The following TMEM230 variants were observed in gnomAD, a reference collection of about 807,000 sequenced individuals.
TMEM230 encodes the protein transmembrane protein 230.
A neutral mutation model predicts 15.8 loss-of-function variants in TMEM230; 10 were observed. The observed-to-expected ratio is 0.63, with a 90% CI of 0.39 to 1.07. The LOEUF is 1.07. Ranked by LOEUF, TMEM230 falls within the 50% of genes least tolerant of loss-of-function variation. TMEM230 has a pLI of 0.01. For missense variants in TMEM230, 165 were observed against 193.3 expected (o/e 0.85, Z 0.87); for synonymous variants, 67 against 76.9 (o/e 0.87, Z 0.68).
downstream of TMEM230, chr20:5,099,819 TATC>T: frequency 1.1e-6 from 1 of 945,086 alleles, no homozygotes; most frequent in East Asian, 1.2e-4. Flanking sequence ...GGATTAAAGA[TATC>T]ATAAAATCAT....
At chr20:5,079,407 C>T (rs1192771981) in intron 3 of TMEM230, among the ~76,000 whole-genome samples, 1 of 152,096 alleles carries the variant, frequency 6.6e-6, no homozygotes, top group Non-Finnish European at 1.5e-5. Context: ...TGTTGAATTC[C>T]CCCACTCCTT....
chr20:5,067,885 G>C (rs2088701396), downstream of TMEM230: 1 of 151,748 alleles, frequency 6.6e-6, no homozygotes, highest in Non-Finnish European at 1.5e-5. Context: ...TCAGCCTCCA[G>C]AGTAGCTGGG....
chr20:5,080,884 ATACCAGGT>A (rs1238513719), intron 3 of TMEM230, among the ~76,000 whole-genome samples: 1 of 152,212 alleles, frequency 6.6e-6, no homozygotes, highest in African/African-American at 2.4e-5. Flanking sequence ...GTGACACTCT[ATACCAGGT>A]TACACACTGT....
At chr20:5,102,688 CAA>C (rs58106156) in intron 4 of TMEM230, among the ~76,000 whole-genome samples, 9,517 of 82,784 alleles carry the variant, frequency 0.11, 738 homozygotes, top group African/African-American at 0.3. Context: ...GACCCTGTCT[CAA>C]AAAAAAAAAA....
At chr20:5,096,447 G>A (rs1261985563), downstream of TMEM230, among the ~76,000 whole-genome samples, 1 of 152,220 alleles carries the variant, frequency 6.6e-6, no homozygotes, top group Non-Finnish European at 1.5e-5. Context: ...TAGGAGAGAA[G>A]CCTCAGGATA....
chr20:5,109,023 A>G (rs1379181058), intron 3 of TMEM230: 1 of 177,234 alleles, frequency 5.6e-6, no homozygotes, highest in Middle Eastern at 2.2e-3. Flanking sequence ...AGAAACAACA[A>G]CAAAAAACTC....
chr20:5,060,192 A>G, the TMEM230 span, among the ~76,000 whole-genome samples: 2 of 152,186 alleles, frequency 1.3e-5, no homozygotes, highest in African/African-American at 2.4e-5. Context: ...GATTACAGGC[A>G]TGAAACACTG....
At chr20:5,080,744 G>T (rs531660648) in intron 3 of TMEM230, among the ~76,000 whole-genome samples, 23 of 152,138 alleles carry the variant, frequency 1.5e-4, no homozygotes, top group African/African-American at 5.3e-4. Context: ...TTTTCACCAT[G>T]TTGCCCAGGC....
chr20:5,074,670 G>A (rs1003928323), intron 3 of TMEM230, among the ~76,000 whole-genome samples: 1 of 152,060 alleles, frequency 6.6e-6, no homozygotes, highest in African/African-American at 2.4e-5. Context: ...CGGGCATGGT[G>A]GTACATGCTT....
chr20:5,110,300 T>G (rs77171152), intron 2 of TMEM230, among the ~76,000 whole-genome samples: 2 of 151,984 alleles, frequency 1.3e-5, no homozygotes, highest in African/African-American at 2.4e-5. Context: ...TTTTTTTTTT[T>G]CTTTGCGATA....
intron 3 of TMEM230, among the ~76,000 whole-genome samples, chr20:5,107,864 C>T (rs1029410782): frequency 3.3e-5 from 5 of 150,708 alleles, no homozygotes; most frequent in Admixed American, 6.6e-5. Flanking sequence ...GTAATTCCAG[C>T]GCTTTGGGAG....
At chr20:5,090,283 G>A (rs1368600382) in intron 3 of TMEM230, among the ~76,000 whole-genome samples, 1 of 152,202 alleles carries the variant, frequency 6.6e-6, no homozygotes, top group Non-Finnish European at 1.5e-5. Flanking sequence ...GGCACAATGG[G>A]TAATGGGTGC....
At chr20:5,088,404 G>T (rs1600324833) in intron 3 of TMEM230, among the ~76,000 whole-genome samples, 2 of 152,004 alleles carry the variant, frequency 1.3e-5, no homozygotes, top group Admixed American at 1.3e-4. Context: ...GGGAGACAGA[G>T]ATTTGAAAAA....
intron 3 of TMEM230, among the ~76,000 whole-genome samples, chr20:5,076,571 C>T (rs945774244): frequency 6.6e-6 from 1 of 151,476 alleles, no homozygotes; most frequent in Non-Finnish European, 1.5e-5. Context: ...AAATAAATAT[C>T]GTTGAATGGA....
chr20:5,067,670 C>CTGACCTCATGATCCACCTACCT (rs2088693293), downstream of TMEM230, among the ~76,000 whole-genome samples: 2 of 150,514 alleles, frequency 1.3e-5, no homozygotes, highest in East Asian at 3.9e-4. Context: ...TCTCGAACTC[C>CTGACCTCATGATCCACCTACCT]CGACCTCATG....
the TMEM230 span, among the ~76,000 whole-genome samples, chr20:5,060,647 T>G: frequency 6.6e-6 from 1 of 152,080 alleles, no homozygotes; most frequent in Non-Finnish European, 1.5e-5. Flanking sequence ...CACTGTATTG[T>G]CTTTTGTGTC....
At chr20:5,090,307 G>A (rs1045530650) in intron 3 of TMEM230, among the ~76,000 whole-genome samples, 1 of 152,136 alleles carries the variant, frequency 6.6e-6, no homozygotes, top group African/African-American at 2.4e-5. Flanking sequence ...ATAGAAATAG[G>A]CCAACAGCAG....
intron 3 of TMEM230, among the ~76,000 whole-genome samples, chr20:5,094,545 A>G (rs1409733404): frequency 6.6e-6 from 1 of 151,488 alleles, no homozygotes; most frequent in Non-Finnish European, 1.5e-5. Context: ...CATCTCTACT[A>G]AAAATACAAA....
intron 3 of TMEM230, among the ~76,000 whole-genome samples, chr20:5,085,886 C>T (rs2089321152): frequency 6.6e-6 from 1 of 152,132 alleles, no homozygotes; most frequent in South Asian, 2.1e-4. Flanking sequence ...GTGTTACAAC[C>T]TCTTAGCCAT....
Sources: allele counts gnomAD v4.1 joint callset (sites outside exome capture counted in the v4.1 genomes callset), GRCh38; gene constraint gnomAD v4.1.1; transcripts MANE v1.5; gene names NCBI Gene and HGNC (gene_info 2026-07-23, HGNC 2026-07-21).